The following EXTL3 variants were observed in gnomAD, a reference collection of about 807,000 sequenced individuals.
EXTL3 encodes the protein exostosin-like 3.
In EXTL3, 27 loss-of-function variants were observed where a neutral mutation model predicts 69.3. That is an observed-to-expected ratio of 0.39 (90% CI 0.29 to 0.54). EXTL3 has a LOEUF of 0.54. Ranked by LOEUF, EXTL3 falls within the 20% of genes least tolerant of loss-of-function variation. EXTL3 has a pLI of 0.69. For synonymous variants in EXTL3, 511 were observed against 499.4 expected, an observed-to-expected ratio of 1.02 and a Z score of -0.31; for missense variants, 1,003 against 1,231.8, an observed-to-expected ratio of 0.81 and a Z score of 2.78.
chr8:28,625,898 C>G (rs546184494), intron 1 of EXTL3, among the ~76,000 whole-genome samples: 3 of 149,274 alleles, frequency 2.0e-5, no homozygotes, highest in Non-Finnish European at 3.0e-5. Flanking sequence ...CGGTGGCTCA[C>G]GCCTATAATC....
intron 4 of EXTL3, among the ~76,000 whole-genome samples, chr8:28,732,637 G>C (rs757253060): frequency 3.9e-5 from 6 of 152,088 alleles, no homozygotes; most frequent in Admixed American, 6.6e-5. Flanking sequence ...TCTATAAATA[G>C]AACTGTACAA....
At chr8:28,633,944 C>T (rs773771796) in intron 1 of EXTL3, among the ~76,000 whole-genome samples, 2 of 152,160 alleles carry the variant, frequency 1.3e-5, no homozygotes, top group Non-Finnish European at 2.9e-5. Context: ...TTAGCAAGAT[C>T]GCCCAGGGGT....
At position 28,743,097 on chromosome 8, in the gene EXTL3, C is replaced by T; in HGVS notation, c.2433C>T (p.Tyr811=). The change falls in exon 6 of 7, where the codon TAC becomes TAT. Residue 811 remains tyrosine, a synonymous_variant. Coordinates refer to ENST00000220562, the MANE Select transcript of EXTL3 (RefSeq NM_001440.4). Reference sequence around the variant, plus strand: ...TCTTCCCCTGACAGTATTATGCCTACCTGTATTCTTATGTGATGCCCCAGG... The same window carrying T: ...TCTTCCCCTGACAGTATTATGCCTATCTGTATTCTTATGTGATGCCCCAGG... ...GAAFFHKYYA[Y]LYSYVMPQAI... The T allele has an allele frequency of 1.2e-6, 2 of 1,614,160 alleles. No homozygotes were observed. The highest frequency in any genetic ancestry group is 1.7e-6 in the Non-Finnish European group (2 of 1,179,990).
intron 1 of EXTL3, among the ~76,000 whole-genome samples, chr8:28,689,376 C>T (rs961260725): frequency 6.6e-6 from 1 of 152,148 alleles, no homozygotes; most frequent in African/African-American, 2.4e-5. Flanking sequence ...TTATTTGAGC[C>T]CCATCTCTTC....
At chr8:28,628,283 A>G (rs1393994295) in intron 1 of EXTL3, among the ~76,000 whole-genome samples, 1 of 151,842 alleles carries the variant, frequency 6.6e-6, no homozygotes, top group Non-Finnish European at 1.5e-5. Flanking sequence ...AATCGCTCGA[A>G]CCCAGGAGGC....
intron 3 of EXTL3, among the ~76,000 whole-genome samples, chr8:28,721,252 A>ATGTAGCTGGTCTGCT (rs1801286565): frequency 6.6e-6 from 1 of 152,180 alleles, no homozygotes; most frequent in Non-Finnish European, 1.5e-5. Flanking sequence ...GTTCTTTTAT[A>ATGTAGCTGGTCTGCT]TGTAGCTGGT....
At chr8:28,681,329 A>G (rs905031359) in intron 1 of EXTL3, among the ~76,000 whole-genome samples, 2 of 151,538 alleles carry the variant, frequency 1.3e-5, no homozygotes, top group African/African-American at 2.4e-5. Context: ...AGCCTGGCCA[A>G]CATTGTGAAA....
intron 1 of EXTL3, among the ~76,000 whole-genome samples, chr8:28,642,768 T>A (rs1379988871): frequency 6.6e-6 from 1 of 152,214 alleles, no homozygotes; most frequent in East Asian, 1.9e-4. Flanking sequence ...CTGTTAACTT[T>A]TTTTTTACCT....
Position 28,713,481 on chromosome 8 carries a change from C to CTT in EXTL3, c.-543_-542dup, listed in dbSNP as rs749579529. 25 of 698,382 alleles carry CTT rather than the reference C, an allele frequency of 3.6e-5. No individual in the cohort carries two copies. The African/African-American group carries it at 3.7e-4, about 10-fold the overall frequency. 43.3% of individuals were successfully genotyped at this position (698,382 alleles called of 1,614,324 possible). A position where few individuals can be genotyped will look rare whatever the true frequency, so the allele number is the denominator to read the frequency against. ...GGAGAGCAAGCCCTGGAGGTTCACT[C>CTT]TTTCAAGAAGTCGTGTGCTGAGGTG... On this transcript the variant is annotated 5_prime_UTR_variant, in exon 2 of 7. Coordinates refer to ENST00000220562, the MANE Select transcript of EXTL3 (RefSeq NM_001440.4).
intron 1 of EXTL3, among the ~76,000 whole-genome samples, chr8:28,666,373 G>T (rs1807196872): frequency 6.6e-6 from 1 of 151,908 alleles, no homozygotes; most frequent in African/African-American, 2.4e-5. Context: ...AAACAACTGG[G>T]CTCAAGTGAT....
At chr8:28,677,099 G>T (rs898996398) in intron 1 of EXTL3, among the ~76,000 whole-genome samples, 7 of 152,106 alleles carry the variant, frequency 4.6e-5, no homozygotes, top group African/African-American at 9.7e-5. Flanking sequence ...AGGCAGTAGA[G>T]ACAGGGAGAA....
chr8:28,637,277 C>A (rs1806671257), intron 1 of EXTL3: 1 of 152,204 alleles, frequency 6.6e-6, no homozygotes, highest in African/African-American at 2.4e-5. Flanking sequence ...AGCCAGCTTT[C>A]TCTCTCTCCT....
At chr8:28,729,753 C>T (rs1253806971) in intron 3 of EXTL3, among the ~76,000 whole-genome samples, 1 of 151,808 alleles carries the variant, frequency 6.6e-6, no homozygotes, top group Admixed American at 6.6e-5. Flanking sequence ...GTAATCCTTG[C>T]ACTTTCGGAG....
chr8:28,620,172 C>T (rs1806392626), upstream of EXTL3, among the ~76,000 whole-genome samples: 1 of 151,816 alleles, frequency 6.6e-6, no homozygotes, highest in Non-Finnish European at 1.5e-5. Flanking sequence ...CGCGCCTGGC[C>T]GGCTTCTGAT....
chr8:28,641,955 C>T (rs913560977), intron 1 of EXTL3, among the ~76,000 whole-genome samples: 1 of 152,108 alleles, frequency 6.6e-6, no homozygotes, highest in African/African-American at 2.4e-5. Flanking sequence ...CCTGCCTCAG[C>T]CTCCCAAGTA....
intron 1 of EXTL3, among the ~76,000 whole-genome samples, chr8:28,675,793 G>A (rs1314449900): frequency 6.6e-6 from 1 of 152,046 alleles, no homozygotes; most frequent in Admixed American, 6.6e-5. Context: ...AGGCCAAGGC[G>A]GTCAGATCAC....
intron 1 of EXTL3, among the ~76,000 whole-genome samples, chr8:28,688,092 G>A (rs1387496634): frequency 4.2e-5 from 6 of 141,456 alleles, no homozygotes; most frequent in Admixed American, 7.3e-5. Context: ...ACGGAGTTTC[G>A]CTTTTGTCAC....
At chr8:28,630,336 A>C (rs1441039077) in intron 1 of EXTL3, among the ~76,000 whole-genome samples, 1 of 152,142 alleles carries the variant, frequency 6.6e-6, no homozygotes, top group African/African-American at 2.4e-5. Flanking sequence ...TGGAACTGTG[A>C]GTCCATTAAA....
chr8:28,737,438 G>C, intron 4 of EXTL3, 81 bp from the exon 5 acceptor site: 1 of 1,473,150 alleles, frequency 6.8e-7, no homozygotes, highest in Non-Finnish European at 9.5e-7. Context: ...GAGCTTGTAA[G>C]GTGGAGGCAA....
Sources: allele counts gnomAD v4.1 joint callset (sites outside exome capture counted in the v4.1 genomes callset), GRCh38; gene constraint gnomAD v4.1.1; transcripts MANE v1.5; gene names NCBI Gene and HGNC (gene_info 2026-07-23, HGNC 2026-07-21).